The following PIERCE2 variants were observed in gnomAD, a reference collection of about 807,000 sequenced individuals.
PIERCE2 encodes piercer of microtubule wall 2 protein.
chr15:55,412,072 C>A, the PIERCE2 span, among the ~76,000 whole-genome samples: 1 of 109,674 alleles, frequency 9.1e-6, no homozygotes, highest in South Asian at 3.0e-4. Flanking sequence ...GACTGGGCAA[C>A]AGAGTGAGAC....
the PIERCE2 span, among the ~76,000 whole-genome samples, chr15:55,410,149 A>T: frequency 2.6e-5 from 4 of 152,162 alleles, no homozygotes; most frequent in Non-Finnish European, 5.9e-5. Flanking sequence ...AACATTTGTG[A>T]ATTATCCTGG....
At chr15:55,418,597 G>A in the PIERCE2 span, 1 of 1,329,030 alleles carries the variant, frequency 7.5e-7, no homozygotes, top group Non-Finnish European at 1.0e-6. Flanking sequence ...ATATTGAAGA[G>A]AAAATATACT....
At chr15:55,408,830 C>T in the PIERCE2 span, 1 of 1,458,384 alleles carries the variant, frequency 6.9e-7, no homozygotes, top group Non-Finnish European at 9.2e-7. Flanking sequence ...TGTTGGTATT[C>T]GCTAGTATAA....
the PIERCE2 span, among the ~76,000 whole-genome samples, chr15:55,414,214 T>G: frequency 1.1e-3 from 164 of 151,420 alleles, 1 homozygote; most frequent in African/African-American, 3.6e-3. Context: ...TTTTTGTTTT[T>G]TTTTTTTTTG....
chr15:55,416,401 G>A, the PIERCE2 span, among the ~76,000 whole-genome samples: 5 of 151,968 alleles, frequency 3.3e-5, no homozygotes, highest in African/African-American at 9.7e-5. Context: ...GCGCCTGGAC[G>A]AAACTTGTTA....
chr15:55,418,556 CA>C, the PIERCE2 span: 1 of 1,463,134 alleles, frequency 6.8e-7, no homozygotes, highest in Non-Finnish European at 9.2e-7. Context: ...TCCTAATATT[CA>C]ACACACTCTA....
At chr15:55,411,247 A>G in the PIERCE2 span, 1 of 151,950 alleles carries the variant, frequency 6.6e-6, no homozygotes, top group Non-Finnish European at 1.5e-5. Flanking sequence ...GCGGATCATC[A>G]GAGGTCAGGA....
chr15:55,414,209 GTT>G, the PIERCE2 span, among the ~76,000 whole-genome samples: 59 of 134,420 alleles, frequency 4.4e-4, no homozygotes, highest in Non-Finnish European at 4.3e-4. Flanking sequence ...GTTTTTTTTT[GTT>G]TTTTTTTTTT....
At chr15:55,418,454 G>T in the PIERCE2 span, 1 of 1,522,074 alleles carries the variant, frequency 6.6e-7, no homozygotes, top group Non-Finnish European at 8.8e-7. Flanking sequence ...TACTCCAAAG[G>T]AGCAAGTATT....
At chr15:55,412,113 A>T in the PIERCE2 span, among the ~76,000 whole-genome samples, 2 of 151,572 alleles carry the variant, frequency 1.3e-5, no homozygotes, top group Non-Finnish European at 2.9e-5. Context: ...AAAAAAAAAA[A>T]AAAAATTGAT....
the PIERCE2 span, among the ~76,000 whole-genome samples, chr15:55,409,423 C>T: frequency 6.6e-6 from 1 of 151,914 alleles, no homozygotes; most frequent in Non-Finnish European, 1.5e-5. Context: ...AAAAATCTTA[C>T]ATTTATATTC....
At chr15:55,416,114 A>C in the PIERCE2 span, among the ~76,000 whole-genome samples, 22 of 150,830 alleles carry the variant, frequency 1.5e-4, no homozygotes, top group African/African-American at 4.9e-4. Context: ...ATAGAGAGAG[A>C]GAGAGATAGA....
At chr15:55,413,377 G>T in the PIERCE2 span, among the ~76,000 whole-genome samples, 1 of 152,060 alleles carries the variant, frequency 6.6e-6, no homozygotes, top group Non-Finnish European at 1.5e-5. Flanking sequence ...AGTGAACTAC[G>T]ATCACTACTG....
At chr15:55,412,169 T>C in the PIERCE2 span, among the ~76,000 whole-genome samples, 1 of 151,942 alleles carries the variant, frequency 6.6e-6, no homozygotes, top group African/African-American at 2.4e-5. Flanking sequence ...TTTCTTTCAT[T>C]TAATCTCCAC....
chr15:55,409,058 TAA>T, the PIERCE2 span, among the ~76,000 whole-genome samples: 133 of 152,298 alleles, frequency 8.7e-4, no homozygotes, highest in African/African-American at 3.1e-3. Context: ...CGTACTTTGT[TAA>T]TTGTATACTT....
chr15:55,412,690 CCAGGAG>C, the PIERCE2 span, among the ~76,000 whole-genome samples: 1 of 152,020 alleles, frequency 6.6e-6, no homozygotes, highest in Non-Finnish European at 1.5e-5. Context: ...TCACTTCAGC[CCAGGAG>C]TTCCAGGTTG....
the PIERCE2 span, among the ~76,000 whole-genome samples, chr15:55,416,214 G>A: frequency 6.6e-6 from 1 of 152,034 alleles, no homozygotes; most frequent in Non-Finnish European, 1.5e-5. Context: ...ATCCTCTCCT[G>A]CCTCAGCCTC....
chr15:55,409,346 A>C, the PIERCE2 span, among the ~76,000 whole-genome samples: 1 of 152,118 alleles, frequency 6.6e-6, no homozygotes, highest in Non-Finnish European at 1.5e-5. Context: ...CAGAGGTTGC[A>C]GTGAGCCGAG....
At chr15:55,413,967 G>A in the PIERCE2 span, among the ~76,000 whole-genome samples, 4 of 150,284 alleles carry the variant, frequency 2.7e-5, no homozygotes, top group Admixed American at 6.7e-5. Context: ...GCAGGATCTC[G>A]GCTCAAGGCA....
Sources: gnomAD v4.1 joint callset for allele counts (sites outside exome capture counted in the v4.1 genomes callset) on GRCh38, gnomAD v4.1.1 for gene constraint, MANE v1.5 for transcripts, NCBI Gene and HGNC (gene_info 2026-07-23, HGNC 2026-07-21) for gene names.